Variants in BTRC observed in about 807,000 individuals in gnomAD.
BTRC encodes beta-transducin repeat containing E3 ubiquitin protein ligase, also known as F-box/WD repeat-containing protein 1A.
In BTRC, 42 loss-of-function variants were observed where a neutral mutation model predicts 85.5. That is an observed-to-expected ratio of 0.49 (90% confidence interval 0.38 to 0.64). BTRC has a LOEUF of 0.64. BTRC is among the 30% of genes least tolerant of loss of function. The probability of loss-of-function intolerance (pLI) is 0.00; values close to 1 mark genes in which losing one functional copy is unlikely to be tolerated. For missense variants in BTRC, 594 were observed against 743.5 expected, an observed-to-expected ratio of 0.80 and a Z score of 2.34; for synonymous variants, 255 against 263.3, an observed-to-expected ratio of 0.97 and a Z score of 0.30.
At chr10:101,354,377 C>T in intron 1 of BTRC, 149 bp downstream of exon 1, 1 of 915,388 alleles carries the variant, frequency 1.1e-6, no homozygotes, top group Non-Finnish European at 1.6e-6. Flanking sequence ...ATGGGAGCTC[C>T]AGAAAGGAGG....
Position 101,398,443 on chromosome 10 carries a change from C to T in BTRC, c.49-31902C>T, listed in dbSNP as rs975112242. Among the ~76,000 whole-genome samples, 8 of 152,062 alleles carry T rather than the reference C, an allele frequency of 5.3e-5. 1 individual carries two copies. The South Asian group carries it at 8.3e-4, about 16-fold the overall frequency. On this transcript the variant is annotated intron_variant, in intron 1 of 14. Transcript: ENST00000370187. ...TCAGCCTCCCGAGTAGCTGGGACTA[C>T]AGGTGCCCGACACTGTGCCCAGATA...
At chr10:101,356,573 A>T (rs1282945946) in intron 1 of BTRC, among the ~76,000 whole-genome samples, 1 of 152,338 alleles carries the variant, frequency 6.6e-6, no homozygotes, top group East Asian at 1.9e-4. Context: ...ATCAGTTTTC[A>T]TAGGGAGAAG....
At chr10:101,400,674 C>A (rs1182559600) in intron 1 of BTRC, among the ~76,000 whole-genome samples, 2 of 152,192 alleles carry the variant, frequency 1.3e-5, no homozygotes, top group South Asian at 2.1e-4. Flanking sequence ...CCTATGACGG[C>A]CAGCCTGGCC....
intron 1 of BTRC, among the ~76,000 whole-genome samples, chr10:101,416,791 C>G (rs1943957478): frequency 6.6e-6 from 1 of 151,956 alleles, no homozygotes; most frequent in Non-Finnish European, 1.5e-5. Context: ...GATCTTTGCC[C>G]CTAAAGTTTT....
intron 3 of BTRC, among the ~76,000 whole-genome samples, chr10:101,475,881 AAG>A (rs1324188125): frequency 1.4e-5 from 2 of 141,932 alleles, no homozygotes; most frequent in African/African-American, 5.1e-5. Context: ...GCTGAGATGC[AAG>A]TAGAAACAGA....
chr10:101,535,322 A>T (rs758640824), intron 10 of BTRC, 32 bp from the exon 11 acceptor site: 16 of 1,547,910 alleles, frequency 1.0e-5, no homozygotes, highest in African/African-American at 5.4e-5. Context: ...AAAAGCACCA[A>T]ATCAACTGCT....
intron 6 of BTRC, 98 bp from the exon 7 acceptor site, chr10:101,531,134 GCACTC>G: frequency 1.1e-6 from 1 of 923,352 alleles, no homozygotes; most frequent in Non-Finnish European, 1.6e-6. Flanking sequence ...TCACACTGCT[GCACTC>G]CAGCCTGGGC....
chr10:101,465,089 C>T (rs1444368261), intron 3 of BTRC, among the ~76,000 whole-genome samples: 1 of 152,084 alleles, frequency 6.6e-6, no homozygotes, highest in African/African-American at 2.4e-5. Flanking sequence ...GTGCCATTTG[C>T]TATTTTGTTT....
intron 1 of BTRC, among the ~76,000 whole-genome samples, chr10:101,376,776 AGGT>A (rs574451588): frequency 1.3e-5 from 2 of 152,054 alleles, no homozygotes; most frequent in African/African-American, 2.4e-5. Flanking sequence ...TCATAGGGTA[AGGT>A]GGTGGTGGTG....
intron 4 of BTRC, among the ~76,000 whole-genome samples, chr10:101,515,956 A>G (rs1275074262): frequency 6.6e-6 from 1 of 152,330 alleles, no homozygotes; most frequent in South Asian, 2.1e-4. Flanking sequence ...AAGGGACACA[A>G]AGGGGGCTAG....
At chr10:101,435,310 T>C (rs1168829612) in intron 2 of BTRC, among the ~76,000 whole-genome samples, 13 of 152,220 alleles carry the variant, frequency 8.5e-5, no homozygotes, top group Admixed American at 7.2e-4. Context: ...AATTTCAAGA[T>C]ACACAACAGT....
intron 1 of BTRC, among the ~76,000 whole-genome samples, chr10:101,408,884 T>C (rs1345230482): frequency 1.3e-5 from 2 of 151,870 alleles, no homozygotes; most frequent in Non-Finnish European, 2.9e-5. Context: ...CTGACTCTAC[T>C]AAAAATACAA....
At chr10:101,516,882 G>C (rs1450342717) in intron 4 of BTRC, among the ~76,000 whole-genome samples, 2 of 152,146 alleles carry the variant, frequency 1.3e-5, no homozygotes, top group South Asian at 2.1e-4. Flanking sequence ...TACTCCAGTA[G>C]CACCCAACTC....
chr10:101,395,395 A>G (rs987600583), intron 1 of BTRC, among the ~76,000 whole-genome samples: 1 of 151,528 alleles, frequency 6.6e-6, no homozygotes, highest in Non-Finnish European at 1.5e-5. Flanking sequence ...AAGTAGTGTA[A>G]CCCTCCCTTT....
chr10:101,485,498 C>T (rs928395815), intron 4 of BTRC, among the ~76,000 whole-genome samples: 9 of 152,158 alleles, frequency 5.9e-5, no homozygotes, highest in Admixed American at 5.9e-4. Flanking sequence ...CTGGATGGCC[C>T]TTGAATATAG....
chr10:101,522,366 AC>A (rs377328025), intron 5 of BTRC, among the ~76,000 whole-genome samples: 4,123 of 66,054 alleles, frequency 0.062, 558 homozygotes, highest in Non-Finnish European at 0.079. Context: ...AAAAAAAAAA[AC>A]AAAAAAAAAC....
intron 1 of BTRC, among the ~76,000 whole-genome samples, chr10:101,367,026 A>ATATATATATATT (rs1942472779): frequency 1.7e-5 from 1 of 59,860 alleles, no homozygotes. Flanking sequence ...ATTTATATTT[A>ATATATATATATT]TATATTTATA....
In BTRC at chr10:101,556,404, A is replaced by G. The variant is rs1285242718; in HGVS notation, c.*3281A>G. On this transcript the variant is annotated 3_prime_UTR_variant, in exon 15 of 15. Transcript: ENST00000370187. The stretch of plus-strand genomic sequence containing the variant: ...AATCAGGGCAATTTTTTTCTTTCCC[A>G]TAATTGGACTAGATACCTTGGTACT... 1 of 152,172 alleles carries G rather than the reference A, an allele frequency of 6.6e-6. No homozygotes were observed. The highest frequency in any genetic ancestry group is 6.5e-5 in the Admixed American group (1 of 15,278). 9.4% of individuals were successfully genotyped at this position (152,172 alleles called of 1,614,324 possible).
At chr10:101,552,069 A>G (rs549196004) in intron 14 of BTRC, among the ~76,000 whole-genome samples, 1 of 151,998 alleles carries the variant, frequency 6.6e-6, no homozygotes, top group Non-Finnish European at 1.5e-5. Context: ...TTACTTTGCC[A>G]TTTTTAATAT....
Sources: allele counts gnomAD v4.1 joint callset (sites outside exome capture counted in the v4.1 genomes callset), GRCh38; gene constraint gnomAD v4.1.1; transcripts MANE v1.5; gene names NCBI Gene and HGNC (gene_info 2026-07-23, HGNC 2026-07-21).